DSTN: variants seen among roughly 807,000 people sequenced by gnomAD.
The protein encoded by DSTN is destrin.
A neutral mutation model predicts 16.8 loss-of-function variants in DSTN; 10 were observed. The ratio of observed to expected loss-of-function variants is 0.60; its 90% CI spans 0.37 to 1.01. The LOEUF (loss-of-function observed/expected upper bound fraction) is 1.01, where lower values mean the gene tolerates loss of function less well. DSTN is among the 50% of genes least tolerant of loss of function. The pLI is 0.01. For missense variants in DSTN, 141 were observed against 196.7 expected (o/e 0.72, Z 1.69); for synonymous variants, 57 against 58.9 (o/e 0.97, Z 0.14).
chr20:17,573,563 T>C (rs541109082), intron 1 of DSTN, among the ~76,000 whole-genome samples: 2 of 152,238 alleles, frequency 1.3e-5, no homozygotes, highest in South Asian at 4.1e-4. Flanking sequence ...CCATGGTGTA[T>C]ATCTAGAAGC....
rs1371458362 is a variant in DSTN at position 17,607,389 on chromosome 20, T to G, written c.*243T>G. 2.6e-6 allele frequency: 1 copy of G among 388,988 alleles called. No homozygotes were observed. The highest frequency in any genetic ancestry group is 2.1e-5 in the African/African-American group (1 of 48,378). The allele number at this position is 388,988 out of a possible 1,614,324, so 24.1% of individuals were successfully genotyped here. A position where few individuals can be genotyped will look rare whatever the true frequency, so the allele number is the denominator to read the frequency against. On this transcript the variant is annotated 3_prime_UTR_variant, in exon 4 of 4. Coordinates refer to ENST00000246069, the MANE Select transcript of DSTN (RefSeq NM_006870.4). Reference sequence around the variant, plus strand: ...GTTTTGATGAGTTGATTTATAAAGATTTTTGTTAAGCTCAGGATTTTAAAT... The same window carrying G: ...GTTTTGATGAGTTGATTTATAAAGAGTTTTGTTAAGCTCAGGATTTTAAAT...
intron 1 of DSTN, among the ~76,000 whole-genome samples, chr20:17,575,687 T>A (rs1272192143): frequency 6.6e-6 from 1 of 152,136 alleles, no homozygotes; most frequent in Non-Finnish European, 1.5e-5. Flanking sequence ...AAATATAAAT[T>A]TATATATAAA....
Position 17,608,771 on chromosome 20 carries a change from A to G in DSTN, c.*1625A>G, listed in dbSNP as rs2035669256. ...AAAATTTAGAAAATAGAGAAAAGGG[A>G]AATTATACATTGTCCTACCACATGC... On this transcript the variant is annotated 3_prime_UTR_variant, in exon 4 of 4. Transcript: ENST00000246069. 1 of 152,342 alleles carries G rather than the reference A, an allele frequency of 6.6e-6. No homozygotes were observed. The highest frequency in any genetic ancestry group is 2.1e-4 in the South Asian group (1 of 4,832). The allele number at this position is 152,342 out of a possible 1,614,324, so 9.4% of individuals were successfully genotyped here.
intron 1 of DSTN, among the ~76,000 whole-genome samples, chr20:17,583,244 A>G (rs2035366538): frequency 6.6e-6 from 1 of 152,214 alleles, no homozygotes; most frequent in Admixed American, 6.5e-5. Flanking sequence ...GCTGGTGAGA[A>G]TGTAAAATGG....
intron 3 of DSTN, among the ~76,000 whole-genome samples, chr20:17,606,490 C>A (rs984038525): frequency 6.2e-4 from 95 of 152,190 alleles, no homozygotes; most frequent in African/African-American, 2.2e-3. Flanking sequence ...AATCAAAAAT[C>A]ATTTGTATTT....
intron 1 of DSTN, among the ~76,000 whole-genome samples, chr20:17,589,311 A>G (rs368569714): frequency 6.6e-6 from 1 of 151,862 alleles, no homozygotes; most frequent in Admixed American, 6.6e-5. Context: ...CCCAGGTTCA[A>G]GTGATTCTCC....
At chr20:17,581,532 G>C (rs1361916789) in intron 1 of DSTN, among the ~76,000 whole-genome samples, 1 of 152,152 alleles carries the variant, frequency 6.6e-6, no homozygotes, top group East Asian at 1.9e-4. Context: ...TCAGATGGTA[G>C]ATGGTGGTAG....
intron 1 of DSTN, among the ~76,000 whole-genome samples, chr20:17,575,650 C>A (rs989500495): frequency 6.6e-6 from 1 of 151,860 alleles, no homozygotes; most frequent in African/African-American, 2.4e-5. Flanking sequence ...ATTTTAAAAG[C>A]TTTACATATA....
chr20:17,605,605 G>C (rs982216146), intron 3 of DSTN, among the ~76,000 whole-genome samples: 3 of 152,120 alleles, frequency 2.0e-5, no homozygotes, highest in African/African-American at 7.2e-5. Flanking sequence ...TTTATTGCTG[G>C]GTCAGGTTCT....
intron 1 of DSTN, chr20:17,599,270 C>T (rs1328582543): frequency 1.3e-5 from 2 of 152,294 alleles, no homozygotes; most frequent in East Asian, 3.9e-4. Context: ...AGCCACTAGG[C>T]TGCAGCCTGG....
chr20:17,574,865 C>CTTTTCTTTTTTTTTTTTTTTTTTTTTTT (rs1354147534), intron 1 of DSTN, among the ~76,000 whole-genome samples: 4 of 64,254 alleles, frequency 6.2e-5, no homozygotes, highest in African/African-American at 2.4e-4. Context: ...CTTTTCTTTT[C>CTTTTCTTTTTTTTTTTTTTTTTTTTTTT]TTTTGTTTTT....
intron 1 of DSTN, among the ~76,000 whole-genome samples, chr20:17,575,103 C>A (rs6044890): frequency 1.8e-4 from 27 of 152,044 alleles, no homozygotes; most frequent in African/African-American, 6.5e-4. Flanking sequence ...CTTTGGCCTC[C>A]CAAAGTGTTG....
intron 1 of DSTN, among the ~76,000 whole-genome samples, chr20:17,590,395 A>G (rs2035456933): frequency 6.6e-6 from 1 of 152,214 alleles, no homozygotes; most frequent in Non-Finnish European, 1.5e-5. Context: ...GGAGACTCAG[A>G]CAGGTTTGAG....
At chr20:17,588,923 A>G (rs1367158330) in intron 1 of DSTN, among the ~76,000 whole-genome samples, 2 of 152,146 alleles carry the variant, frequency 1.3e-5, no homozygotes, top group Admixed American at 6.5e-5. Flanking sequence ...ACTCATTTAC[A>G]TATGGTCACC....
At chr20:17,575,069 G>C (rs2035263305) in intron 1 of DSTN, among the ~76,000 whole-genome samples, 1 of 151,726 alleles carries the variant, frequency 6.6e-6, no homozygotes, top group Non-Finnish European at 1.5e-5. Flanking sequence ...ACATTGCCCA[G>C]ACTGGTCTCA....
At chr20:17,602,726 A>G (rs1273197301) in intron 2 of DSTN, among the ~76,000 whole-genome samples, 3 of 152,194 alleles carry the variant, frequency 2.0e-5, no homozygotes, top group African/African-American at 4.8e-5. Flanking sequence ...ACCTATTTTC[A>G]TAACAAAAGT....
intron 3 of DSTN, among the ~76,000 whole-genome samples, chr20:17,606,699 A>G (rs2035646781): frequency 6.6e-6 from 1 of 152,232 alleles, no homozygotes; most frequent in African/African-American, 2.4e-5. Flanking sequence ...CCTTCAATTC[A>G]TAGCACTTCT....
intron 1 of DSTN, among the ~76,000 whole-genome samples, chr20:17,587,560 T>C (rs528263321): frequency 2.6e-5 from 4 of 152,358 alleles, no homozygotes; most frequent in African/African-American, 9.6e-5. Context: ...GATTTCTTCC[T>C]TGCCCTCAGA....
chr20:17,594,082 AAAATAAATAAATAAAT>A (rs59974407), intron 1 of DSTN, among the ~76,000 whole-genome samples: 24 of 145,502 alleles, frequency 1.6e-4, no homozygotes, highest in Non-Finnish European at 3.1e-4. Context: ...CCGTATCTCA[AAAATAAATAAATAAAT>A]AAATAAATAA....
Sources: gnomAD v4.1 joint callset for allele counts (sites outside exome capture counted in the v4.1 genomes callset) on GRCh38, gnomAD v4.1.1 for gene constraint, MANE v1.5 for transcripts, NCBI Gene and HGNC (gene_info 2026-07-23, HGNC 2026-07-21) for gene names.